PPFIA2: variants seen among roughly 807,000 people sequenced by gnomAD.
The protein encoded by PPFIA2 is PPFI scaffold protein A2.
In PPFIA2, 46 loss-of-function variants were observed where a neutral mutation model predicts 175.5. The observed-to-expected ratio is 0.26, with a 90% CI of 0.21 to 0.34. The LOEUF (loss-of-function observed/expected upper bound fraction) is 0.34, where lower values mean the gene tolerates loss of function less well. Ranked by LOEUF, PPFIA2 falls within the 10% of genes least tolerant of loss-of-function variation. The pLI, the probability that PPFIA2 is intolerant of heterozygous loss-of-function variation, is 1.00. For synonymous variants in PPFIA2, 568 were observed against 511.4 expected, an observed-to-expected ratio of 1.11 and a Z score of -1.49; for missense variants, 1,179 against 1,506.1, an observed-to-expected ratio of 0.78 and a Z score of 3.60.
chr12:81,445,206 T>C (rs367642412), intron 6 of PPFIA2, among the ~76,000 whole-genome samples: 155 of 20,678 alleles, frequency 7.5e-3, no homozygotes, highest in African/African-American at 0.015. Context: ...AAGACCAAGG[T>C]GGGGGGGGGG....
At chr12:81,522,785 G>A (rs1226807379) in intron 4 of PPFIA2, among the ~76,000 whole-genome samples, 2 of 152,024 alleles carry the variant, frequency 1.3e-5, no homozygotes, top group Non-Finnish European at 2.9e-5. Context: ...TGCTTTGACT[G>A]CAAAAACTTT....
chr12:81,577,812 G>C (rs541608641), intron 4 of PPFIA2, among the ~76,000 whole-genome samples: 133 of 151,822 alleles, frequency 8.8e-4, no homozygotes, highest in African/African-American at 3.1e-3. Flanking sequence ...TTTGGCAGTT[G>C]TATCAGTTAA....
At chr12:81,326,105 C>T (rs749133309) in intron 21 of PPFIA2, among the ~76,000 whole-genome samples, 17 of 152,038 alleles carry the variant, frequency 1.1e-4, no homozygotes, top group African/African-American at 3.9e-4. Flanking sequence ...CACCCAGTGG[C>T]AACATAATAA....
intron 4 of PPFIA2, among the ~76,000 whole-genome samples, chr12:81,646,645 C>A (rs192499146): frequency 3.9e-5 from 6 of 152,260 alleles, no homozygotes; most frequent in African/African-American, 1.4e-4. Flanking sequence ...ATAACATAGG[C>A]GCAGTCCATA....
chr12:81,419,848 C>G (rs1481579827), intron 7 of PPFIA2, among the ~76,000 whole-genome samples: 1 of 152,086 alleles, frequency 6.6e-6, no homozygotes, highest in African/African-American at 2.4e-5. Context: ...CATTCCAGAC[C>G]TAGTACCACC....
At chr12:81,593,188 G>A (rs1188086446) in intron 4 of PPFIA2, among the ~76,000 whole-genome samples, 2 of 151,950 alleles carry the variant, frequency 1.3e-5, no homozygotes, top group African/African-American at 2.4e-5. Context: ...AGTTCTCTTG[G>A]TAAAATAAGA....
At chr12:81,648,489 T>C (rs2066505595) in intron 4 of PPFIA2, among the ~76,000 whole-genome samples, 1 of 151,936 alleles carries the variant, frequency 6.6e-6, no homozygotes, top group South Asian at 2.1e-4. Context: ...GAGAAAATTT[T>C]AAAAGACCTA....
intron 4 of PPFIA2, among the ~76,000 whole-genome samples, chr12:81,586,482 A>G (rs1411329452): frequency 6.6e-6 from 1 of 151,896 alleles, no homozygotes; most frequent in Non-Finnish European, 1.5e-5. Context: ...GATACAGTAA[A>G]TTATATTTTA....
intron 4 of PPFIA2, among the ~76,000 whole-genome samples, chr12:81,571,358 T>G (rs1219453870): frequency 6.6e-6 from 1 of 152,028 alleles, no homozygotes; most frequent in East Asian, 1.9e-4. Flanking sequence ...AGGCAGAATA[T>G]TAGAAGGAAA....
intron 4 of PPFIA2, among the ~76,000 whole-genome samples, chr12:81,559,782 GC>G (rs1256931682): frequency 6.7e-6 from 1 of 149,274 alleles, no homozygotes; most frequent in African/African-American, 2.5e-5. Flanking sequence ...CTTACCCAAT[GC>G]TTTTTACATG....
rs11114852 is a variant in PPFIA2, at chr12:81,414,805, T to C, written c.646-8902A>G. ...CTAGTAAAACAGTAGGGATTTACAATTTAAACTTAAGCAACTTTCAGTCAC... is the reference window on the plus strand; with the variant it reads ...CTAGTAAAACAGTAGGGATTTACAACTTAAACTTAAGCAACTTTCAGTCAC... On this transcript the variant is annotated intron_variant, in intron 7 of 32. Transcript: ENST00000549396. Among the ~76,000 whole-genome samples, 208 of 151,676 alleles carry C rather than the reference T, an allele frequency of 1.4e-3. 2 individuals carry two copies. The East Asian group carries it at 0.034, about 25-fold the overall frequency.
intron 19 of PPFIA2, among the ~76,000 whole-genome samples, chr12:81,341,472 A>G (rs1321689872): frequency 6.6e-6 from 1 of 152,070 alleles, no homozygotes; most frequent in African/African-American, 2.4e-5. Flanking sequence ...CCATAGATCA[A>G]GCTTTTCCAA....
At chr12:81,338,218 A>G in intron 21 of PPFIA2, among the ~76,000 whole-genome samples, 1 of 152,242 alleles carries the variant, frequency 6.6e-6, no homozygotes, top group Non-Finnish European at 1.5e-5. Flanking sequence ...TGAGAAACCA[A>G]AGGATGTACT....
chr12:81,469,280 C>T (rs377450580), intron 4 of PPFIA2, among the ~76,000 whole-genome samples: 15 of 152,202 alleles, frequency 9.9e-5, no homozygotes, highest in Admixed American at 7.2e-4. Context: ...TCTATTTACT[C>T]GACAAAATTT....
chr12:81,536,692 C>CTA (rs969411612), intron 4 of PPFIA2, among the ~76,000 whole-genome samples: 16 of 135,788 alleles, frequency 1.2e-4, no homozygotes, highest in Admixed American at 6.0e-4. Flanking sequence ...TATATACATG[C>CTA]TATATATATA....
chr12:81,613,691 C>T (rs2061159734), intron 4 of PPFIA2, among the ~76,000 whole-genome samples: 2 of 152,020 alleles, frequency 1.3e-5, no homozygotes, highest in Admixed American at 1.3e-4. Flanking sequence ...CCTTAGTGTG[C>T]AAAAGTTATG....
chr12:81,743,438 A>C (rs1334679654), intron 3 of PPFIA2, among the ~76,000 whole-genome samples: 6 of 142,534 alleles, frequency 4.2e-5, no homozygotes, highest in African/African-American at 1.3e-4. Context: ...AAAAAAAAAA[A>C]AAAAAAACTT....
intron 22 of PPFIA2, among the ~76,000 whole-genome samples, chr12:81,310,863 AT>A (rs1485956692): frequency 3.9e-5 from 6 of 152,168 alleles, no homozygotes; most frequent in African/African-American, 1.4e-4. Flanking sequence ...TATATTAAAA[AT>A]AATATAAACC....
chr12:81,553,968 T>C (rs2068391653), intron 4 of PPFIA2, among the ~76,000 whole-genome samples: 1 of 151,944 alleles, frequency 6.6e-6, no homozygotes, highest in Non-Finnish European at 1.5e-5. Flanking sequence ...AAGATTTTGG[T>C]TTTAGTTTTA....
Sources: gnomAD v4.1 joint callset for allele counts (sites outside exome capture counted in the v4.1 genomes callset) on GRCh38, gnomAD v4.1.1 for gene constraint, MANE v1.5 for transcripts, NCBI Gene and HGNC (gene_info 2026-07-23, HGNC 2026-07-21) for gene names.